ZFYVE9: variants seen among roughly 807,000 people sequenced by gnomAD.
ZFYVE9 encodes zinc finger FYVE domain-containing protein 9.
ZFYVE9 carries 43 observed loss-of-function variants against 126.7 expected under a neutral mutation model. The ratio of observed to expected loss-of-function variants is 0.34; its 90% CI spans 0.27 to 0.44. ZFYVE9 has a LOEUF of 0.44. ZFYVE9 is among the 20% of genes least tolerant of loss of function. The pLI is 1.00. For synonymous variants in ZFYVE9, 521 were observed against 597.4 expected (o/e 0.87, Z 1.87); for missense variants, 1,476 against 1,697.0 (o/e 0.87, Z 2.29).
intron 4 of ZFYVE9, among the ~76,000 whole-genome samples, chr1:52,254,623 T>C (rs550046035): frequency 4.6e-5 from 7 of 152,180 alleles, no homozygotes; most frequent in Non-Finnish European, 1.0e-4. Context: ...AAAAGATGTG[T>C]ATTTTAGTGT....
At chr1:52,150,680 T>C (rs1031333167) in intron 1 of ZFYVE9, among the ~76,000 whole-genome samples, 3 of 148,700 alleles carry the variant, frequency 2.0e-5, no homozygotes, top group Admixed American at 6.7e-5. Context: ...GGCAGGAGAA[T>C]CGCTTGAACC....
At chr1:52,199,414 C>T (rs888272365) in intron 1 of ZFYVE9, among the ~76,000 whole-genome samples, 3 of 152,220 alleles carry the variant, frequency 2.0e-5, no homozygotes, top group African/African-American at 7.2e-5. Flanking sequence ...CAGAACGTCA[C>T]ATACTTGGAA....
intron 12 of ZFYVE9, among the ~76,000 whole-genome samples, chr1:52,302,755 A>AG (rs1646047359): frequency 7.5e-6 from 1 of 133,542 alleles, no homozygotes; most frequent in South Asian, 2.2e-4. Context: ...TGTCTCAGGA[A>AG]AAAAAAAAAA....
intron 7 of ZFYVE9, among the ~76,000 whole-genome samples, chr1:52,273,812 CCTT>C (rs1395665753): frequency 7.6e-6 from 1 of 131,702 alleles, no homozygotes; most frequent in Non-Finnish European, 1.5e-5. Flanking sequence ...GAGTGAGACT[CCTT>C]CTCAAAAAAA....
At chr1:52,219,557 G>A (rs1645103377) in intron 2 of ZFYVE9, among the ~76,000 whole-genome samples, 1 of 151,974 alleles carries the variant, frequency 6.6e-6, no homozygotes, top group African/African-American at 2.4e-5. Context: ...GTGATCTCTG[G>A]GCTGGTGTCG....
intron 8 of ZFYVE9, among the ~76,000 whole-genome samples, chr1:52,277,177 TCAGA>T (rs1645756211): frequency 1.3e-5 from 2 of 152,102 alleles, no homozygotes; most frequent in African/African-American, 4.8e-5. Context: ...TTAAAAAGAG[TCAGA>T]TTGTTGGATT....
chr1:52,337,103 T>C (rs1646397195), intron 15 of ZFYVE9, among the ~76,000 whole-genome samples: 1 of 152,252 alleles, frequency 6.6e-6, no homozygotes, highest in African/African-American at 2.4e-5. Context: ...ATTGGCTGAC[T>C]ATGAAATTGT....
intron 4 of ZFYVE9, among the ~76,000 whole-genome samples, chr1:52,255,977 TTTCTTTCC>T (rs1434331637): frequency 0.011 from 1,465 of 134,420 alleles, 21 homozygotes; most frequent in East Asian, 0.054. Context: ...TCTTTCTTTC[TTTCTTTCC>T]TTCCTTCCTT....
chr1:52,238,870 G>A lies in ZFYVE9; in HGVS notation c.1453G>A (p.Asp485Asn). ...SNGCDSYGMQ[D>N]PGVSFVPKTL... Reference sequence around the variant, plus strand: ...TGGTTGTGATTCCTATGGAATGCAAGACCCAGGTGTTTCTTTTGTTCCAAA... The same window carrying A: ...TGGTTGTGATTCCTATGGAATGCAAAACCCAGGTGTTTCTTTTGTTCCAAA... The change falls in exon 4 of 19, where the codon GAC becomes AAC. Residue 485 changes from aspartate to asparagine, a missense_variant. Coordinates refer to ENST00000287727, the MANE Select transcript of ZFYVE9 (RefSeq NM_004799.4). 1 of 1,614,074 alleles carries A rather than the reference G, an allele frequency of 6.2e-7. No individual in the cohort carries two copies. The highest frequency in any genetic ancestry group is 8.5e-7 in the Non-Finnish European group (1 of 1,179,982).
rs551170744 is a variant in ZFYVE9, at chr1:52,331,582, C to G, written c.3439-1186C>G. Among the ~76,000 whole-genome samples the G allele has an allele frequency of 1.4e-3, 218 of 151,450 alleles. 1 individual carries two copies. The highest frequency in any genetic ancestry group is 5.0e-3 in the Admixed American group (76 of 15,220). On this transcript the variant is annotated intron_variant, in intron 13 of 18. Transcript: ENST00000287727. ...CCTGGCTAACACGGTGAAACCTTGT[C>G]TCTATAAAAATACAAAAAAATTAGC...
chr1:52,254,702 C>G (rs1645486922), intron 4 of ZFYVE9, among the ~76,000 whole-genome samples: 1 of 152,098 alleles, frequency 6.6e-6, no homozygotes, highest in African/African-American at 2.4e-5. Flanking sequence ...TGTGGTGGCT[C>G]ATTCCTGTAA....
intron 18 of ZFYVE9, 150 bp from the exon 19 acceptor site, chr1:52,345,910 C>T (rs778004345): frequency 1.0e-4 from 78 of 763,344 alleles, no homozygotes; most frequent in Non-Finnish European, 1.5e-4. Context: ...AAGTGATCAC[C>T]CAGAAAAGAG....
intron 4 of ZFYVE9, among the ~76,000 whole-genome samples, chr1:52,255,961 TTCTTTTC>T (rs1211339568): frequency 1.1e-5 from 1 of 91,368 alleles, no homozygotes; most frequent in Non-Finnish European, 1.9e-5. Flanking sequence ...TTCTTTTCTT[TTCTTTTC>T]TTTCTTTCTT....
At chr1:52,184,588 C>T (rs1443342428) in intron 1 of ZFYVE9, among the ~76,000 whole-genome samples, 7 of 3,246 alleles carry the variant, frequency 2.2e-3, no homozygotes, top group East Asian at 8.9e-3. Flanking sequence ...TTTTGGGTGG[C>T]GGGTGGTGGG....
intron 10 of ZFYVE9, among the ~76,000 whole-genome samples, chr1:52,292,525 G>A (rs974184241): frequency 2.6e-4 from 36 of 140,740 alleles, no homozygotes; most frequent in South Asian, 1.1e-3. Context: ...AGGCTGGAGC[G>A]CAGTGGCACA....
chr1:52,334,631 T>C (rs1027430129), intron 14 of ZFYVE9, 57 bp from the exon 15 acceptor site: 99 of 1,548,746 alleles, frequency 6.4e-5, no homozygotes, highest in Admixed American at 1.4e-4. Context: ...TTGTTATTAT[T>C]TTCAATCCCT....
chr1:52,261,051 T>C (rs1260354248), intron 4 of ZFYVE9, among the ~76,000 whole-genome samples: 2 of 152,068 alleles, frequency 1.3e-5, no homozygotes, highest in Non-Finnish European at 1.5e-5. Flanking sequence ...GGCACCTCTT[T>C]GTTCACAGAA....
intron 7 of ZFYVE9, among the ~76,000 whole-genome samples, chr1:52,270,425 A>T (rs577295033): frequency 1.3e-5 from 2 of 151,932 alleles, no homozygotes; most frequent in African/African-American, 4.8e-5. Flanking sequence ...CACCATGCCC[A>T]GCTAATTTTT....
chr1:52,293,011 T>G (rs898292379), intron 10 of ZFYVE9, among the ~76,000 whole-genome samples: 1 of 152,178 alleles, frequency 6.6e-6, no homozygotes, highest in African/African-American at 2.4e-5. Flanking sequence ...AATGTAAGTC[T>G]TTCATAGTGA....
Sources: gnomAD v4.1 joint callset for allele counts (sites outside exome capture counted in the v4.1 genomes callset) on GRCh38, gnomAD v4.1.1 for gene constraint, MANE v1.5 for transcripts, NCBI Gene and HGNC (gene_info 2026-07-23, HGNC 2026-07-21) for gene names.